Variants in GTF2E2 observed in about 807,000 individuals in gnomAD.
GTF2E2 encodes general transcription factor IIE subunit 2.
In GTF2E2, 21 loss-of-function variants were observed where a neutral mutation model predicts 40.5. That is an observed-to-expected ratio of 0.52 (90% CI 0.37 to 0.75). The LOEUF is 0.75. GTF2E2 is among the 30% of genes least tolerant of loss of function. The pLI is 0.00. For synonymous variants in GTF2E2, 117 were observed against 121.6 expected (o/e 0.96, Z 0.25); for missense variants, 298 against 338.4 (o/e 0.88, Z 0.94).
At chr8:30,589,107 A>T (rs895419396) in intron 6 of GTF2E2, among the ~76,000 whole-genome samples, 1 of 152,160 alleles carries the variant, frequency 6.6e-6, no homozygotes, top group South Asian at 2.1e-4. Context: ...CAAAAAAAAA[A>T]TTATCCGGGC....
intron 1 of GTF2E2, among the ~76,000 whole-genome samples, chr8:30,653,983 G>A (rs1318517412): frequency 2.6e-5 from 4 of 151,984 alleles, no homozygotes; most frequent in African/African-American, 9.7e-5. Context: ...CAGCTACTCG[G>A]GAGGCGGAAG....
rs753094265 is a variant in GTF2E2, at chr8:30,614,692, C to A, written c.282G>T (p.Thr94=). 2.5e-6 allele frequency: 4 copies of A among 1,602,236 alleles called. No homozygotes were observed. Among genetic ancestry groups the A allele is most frequent in the Non-Finnish European group, 3.4e-6 (4 of 1,170,384 alleles). The change falls in exon 4 of 8, where the codon ACG becomes ACT. Residue 94 remains threonine, a synonymous_variant. Transcript: ENST00000355904. ...AAATTTCATCTAAGGTTAGAGGATG[C>A]GTATCTCCTCGCTGATGCCGTGTCT... ...YMKTRHQRGD[T]HPLTLDEILD...
chr8:30,597,675 T>C (rs2151117006), intron 6 of GTF2E2: 1 of 152,346 alleles, frequency 6.6e-6, no homozygotes, highest in East Asian at 1.9e-4. Flanking sequence ...TTCAAGAAGA[T>C]ATCAGCATGC....
chr8:30,607,177 T>C, intron 5 of GTF2E2, 27 bp from the exon 6 acceptor site: 1 of 889,824 alleles, frequency 1.1e-6, no homozygotes, highest in Non-Finnish European at 1.8e-6. Context: ...ATAAAGATTT[T>C]TCAGTTAACT....
intron 3 of GTF2E2, among the ~76,000 whole-genome samples, chr8:30,620,053 G>C (rs1801041445): frequency 6.6e-6 from 1 of 152,004 alleles, no homozygotes; most frequent in Admixed American, 6.5e-5. Context: ...AACTGACAGA[G>C]TAAAGAGATG....
At chr8:30,656,832 A>G (rs1052978684) in intron 1 of GTF2E2, 9 of 131,142 alleles carry the variant, frequency 6.9e-5, no homozygotes, top group Admixed American at 2.2e-4. Flanking sequence ...AAAAAAGTAA[A>G]TAAAGCCGTA....
At chr8:30,590,262 A>G (rs1264025749) in intron 6 of GTF2E2, among the ~76,000 whole-genome samples, 1 of 152,214 alleles carries the variant, frequency 6.6e-6, no homozygotes, top group Non-Finnish European at 1.5e-5. Context: ...TTGGAATGTC[A>G]GTCCTTTGTT....
chr8:30,624,327 T>C (rs1801204670), intron 3 of GTF2E2, among the ~76,000 whole-genome samples: 1 of 152,086 alleles, frequency 6.6e-6, no homozygotes, highest in Non-Finnish European at 1.5e-5. Flanking sequence ...GTTGTAGATG[T>C]GTGGTATTAT....
intron 2 of GTF2E2, among the ~76,000 whole-genome samples, chr8:30,643,201 T>A (rs918340786): frequency 6.6e-6 from 1 of 152,200 alleles, no homozygotes; most frequent in African/African-American, 2.4e-5. Context: ...GTGAAAACAA[T>A]ATTGTGGTTA....
chr8:30,651,616 T>C (rs1415130337), intron 2 of GTF2E2, among the ~76,000 whole-genome samples: 1 of 152,170 alleles, frequency 6.6e-6, no homozygotes, highest in Non-Finnish European at 1.5e-5. Context: ...AAGCCATCTA[T>C]TCATTGACTG....
Position 30,614,775 on chromosome 8 carries a change from A to G in GTF2E2, c.259-60T>C, listed in dbSNP as rs553691527. 44 of 891,224 alleles carry G rather than the reference A, an allele frequency of 4.9e-5. No homozygotes were observed. The South Asian group carries it at 5.8e-4, about 12-fold the overall frequency. The allele number at this position is 891,224 out of a possible 1,614,324, so 55.2% of individuals were successfully genotyped here. A position where few individuals can be genotyped will look rare whatever the true frequency, so the allele number is the denominator to read the frequency against. ...TTCAAAATGCTAGATGCATTAAATCATAGTTACATGTAAACAAACCTTCAG... is the reference window on the plus strand; with the variant it reads ...TTCAAAATGCTAGATGCATTAAATCGTAGTTACATGTAAACAAACCTTCAG... On this transcript the variant is annotated intron_variant, in intron 3 of 7. Transcript: ENST00000355904.
chr8:30,655,655 T>G (rs755952741), intron 1 of GTF2E2, among the ~76,000 whole-genome samples: 19 of 152,188 alleles, frequency 1.2e-4, no homozygotes, highest in Admixed American at 2.6e-4. Context: ...GATAAATCCT[T>G]GTCTACATGC....
At chr8:30,649,995 G>C (rs1802217799) in intron 2 of GTF2E2, among the ~76,000 whole-genome samples, 1 of 152,088 alleles carries the variant, frequency 6.6e-6, no homozygotes, top group Admixed American at 6.5e-5. Flanking sequence ...AGCCCAAATG[G>C]CTTCACCAGT....
intron 3 of GTF2E2, among the ~76,000 whole-genome samples, chr8:30,615,173 G>A (rs1394841746): frequency 6.6e-6 from 1 of 152,028 alleles, no homozygotes; most frequent in Non-Finnish European, 1.5e-5. Flanking sequence ...CAGCTACTTG[G>A]GAGGCTGAGG....
intron 2 of GTF2E2, chr8:30,645,731 A>T: frequency 1.2e-6 from 1 of 864,656 alleles, no homozygotes; most frequent in Non-Finnish European, 1.7e-6. Context: ...TAGAAGGGGA[A>T]AAAAAAGTTA....
chr8:30,589,039 G>A (rs535830025), intron 6 of GTF2E2, among the ~76,000 whole-genome samples: 1 of 152,068 alleles, frequency 6.6e-6, no homozygotes, highest in Admixed American at 6.5e-5. Context: ...GGATCACGAG[G>A]TCAGGAGTTT....
chr8:30,627,607 T>C (rs947456984), intron 3 of GTF2E2, among the ~76,000 whole-genome samples: 5 of 152,068 alleles, frequency 3.3e-5, no homozygotes, highest in African/African-American at 4.8e-5. Flanking sequence ...CACAGGAGGA[T>C]TGCTTGAGGC....
At chr8:30,648,754 A>G (rs1214546720) in intron 2 of GTF2E2, among the ~76,000 whole-genome samples, 2 of 152,354 alleles carry the variant, frequency 1.3e-5, no homozygotes, top group East Asian at 1.9e-4. Flanking sequence ...TTGAGTGACT[A>G]TAACTAGCTA....
chr8:30,618,658 T>C (rs1800996628), intron 3 of GTF2E2, among the ~76,000 whole-genome samples: 1 of 152,124 alleles, frequency 6.6e-6, no homozygotes. Flanking sequence ...AAAGGCAAAA[T>C]GTTTCAAATC....
Sources: allele counts gnomAD v4.1 joint callset (sites outside exome capture counted in the v4.1 genomes callset), GRCh38; gene constraint gnomAD v4.1.1; transcripts MANE v1.5; gene names NCBI Gene and HGNC (gene_info 2026-07-23, HGNC 2026-07-21).